NSUN7: variants seen among roughly 807,000 people sequenced by gnomAD.
The protein encoded by NSUN7 is NOP2/Sun RNA methyltransferase family member 7.
A neutral mutation model predicts 58.5 loss-of-function variants in NSUN7; 39 were observed. The observed-to-expected ratio is 0.67, with a 90% CI of 0.52 to 0.87. The LOEUF is 0.87. Among genes scored for constraint, NSUN7 ranks in the 40% least tolerant of loss-of-function variants. NSUN7 has a pLI of 0.00. For missense variants in NSUN7, 765 were observed against 844.1 expected (o/e 0.91, Z 1.16); for synonymous variants, 278 against 303.7 (o/e 0.92, Z 0.88).
In NSUN7 at chr4:40,775,514, T is replaced by C. The variant is rs1742222555; in HGVS notation, c.826-535T>C. On this transcript the variant is annotated intron_variant, in intron 6 of 11. Coordinates refer to ENST00000381782, the MANE Select transcript of NSUN7 (RefSeq NM_024677.6). This position sits in a 1 kb window ranked among gnomAD's most constrained non-coding sequence, Gnocchi z 4.3. ...TAGATTCCAATTATTGCCTCAGATA[T>C]ACCTTGATCTTCTAAGGTTTATCCC... 1 of 152,756 alleles carries C rather than the reference T, an allele frequency of 6.5e-6. No homozygotes were observed. Among genetic ancestry groups the C allele is most frequent in the Non-Finnish European group, 1.5e-5 (1 of 68,432 alleles). 9.5% of individuals were successfully genotyped at this position (152,756 alleles called of 1,614,324 possible).
chr4:40,753,284 T>C (rs558156025), intron 2 of NSUN7, among the ~76,000 whole-genome samples: 2 of 151,550 alleles, frequency 1.3e-5, no homozygotes, highest in African/African-American at 4.8e-5. Context: ...ATCTTTCTTT[T>C]TTTTTTTTTT....
rs61459974 is a variant in NSUN7 at position 40,750,105 on chromosome 4, C to T, written c.-287C>T. 0.017 allele frequency: 2,584 copies of T among 152,600 alleles called. 68 individuals carry two copies. Among genetic ancestry groups the T allele is most frequent in the African/African-American group, 0.059 (2,467 of 41,548 alleles). 9.5% of individuals were successfully genotyped at this position (152,600 alleles called of 1,614,324 possible). On this transcript the variant is annotated 5_prime_UTR_variant, in exon 1 of 12. Coordinates refer to ENST00000381782, the MANE Select transcript of NSUN7 (RefSeq NM_024677.6). ...CCCCGAGGCGCCCACCACTTCACGA[C>T]ACCGGAGCGAACCGGGCGCCAGAGG...
At chr4:40,785,201 A>ATTTT (rs34585824) in intron 7 of NSUN7, among the ~76,000 whole-genome samples, 1 of 138,668 alleles carries the variant, frequency 7.2e-6, no homozygotes, top group African/African-American at 2.6e-5. Flanking sequence ...ACTCTCAGCT[A>ATTTT]TTTTTTTTTT....
chr4:40,794,354 G>A, intron 8 of NSUN7, 21 bp from the exon 9 acceptor site: 6 of 1,418,400 alleles, frequency 4.2e-6, no homozygotes, highest in Non-Finnish European at 5.9e-6. Context: ...ATATTTAAAA[G>A]CATTTCTTTT....
chr4:40,796,950 T>G (rs1318907113), intron 9 of NSUN7, among the ~76,000 whole-genome samples: 1 of 152,222 alleles, frequency 6.6e-6, no homozygotes, highest in Non-Finnish European at 1.5e-5. Context: ...TTTTGAGCTA[T>G]TGCCATCACA....
intron 2 of NSUN7, among the ~76,000 whole-genome samples, chr4:40,756,801 T>C (rs1394359070): frequency 6.6e-6 from 1 of 152,226 alleles, no homozygotes; most frequent in African/African-American, 2.4e-5. Context: ...CAGTCCCCAA[T>C]GTATGATGGG....
intron 1 of NSUN7, 138 bp from the exon 2 acceptor site, chr4:40,750,465 G>A: frequency 3.4e-6 from 1 of 290,766 alleles, no homozygotes; most frequent in Non-Finnish European, 6.3e-6. Context: ...TTTTTTGAGC[G>A]TCCCAGGCTC....
chr4:40,771,712 AAT>A (rs1444853421), intron 4 of NSUN7, among the ~76,000 whole-genome samples: 2 of 148,056 alleles, frequency 1.4e-5, no homozygotes, highest in Non-Finnish European at 3.0e-5. Flanking sequence ...AGCTTATATA[AAT>A]ATATATTTAT....
intron 2 of NSUN7, among the ~76,000 whole-genome samples, chr4:40,754,199 A>G (rs1215039659): frequency 1.3e-5 from 2 of 148,944 alleles, no homozygotes; most frequent in African/African-American, 5.0e-5. Flanking sequence ...GCTGGAGTGC[A>G]GTCAATCGCG....
rs564244536 is a variant in NSUN7 at position 40,781,009 on chromosome 4, G to A, written c.1036+4750G>A. ...TTTTTTGTATTTTTTTAGTAGAGAC[G>A]GGGTTTCACTGTGTTAGCCAGGATG... On this transcript the variant is annotated intron_variant, in intron 7 of 11. Coordinates refer to ENST00000381782, the MANE Select transcript of NSUN7 (RefSeq NM_024677.6). Among the ~76,000 whole-genome samples, 4 of 150,660 alleles carry A rather than the reference G, an allele frequency of 2.7e-5. 1 individual carries two copies. The highest frequency in any genetic ancestry group is 9.8e-5 in the African/African-American group (4 of 40,988).
At position 40,806,075 on chromosome 4, in the gene NSUN7, G is replaced by T. The variant is rs560305891; in HGVS notation, c.1401-986G>T. Reference sequence around the variant, plus strand: ...GCCGGAGTGCAATGGTGCAATCTTGGCTTGAACCTCTCAGGTTCAAGCAAT... The same window carrying T: ...GCCGGAGTGCAATGGTGCAATCTTGTCTTGAACCTCTCAGGTTCAAGCAAT... On this transcript the variant is annotated intron_variant, in intron 10 of 11. Coordinates refer to ENST00000381782, the MANE Select transcript of NSUN7 (RefSeq NM_024677.6). Among the ~76,000 whole-genome samples the T allele has an allele frequency of 2.6e-5, 4 of 152,122 alleles. No individual in the cohort carries two copies. The South Asian group carries it at 8.3e-4, about 32-fold the overall frequency.
In NSUN7 at chr4:40,807,197, A is replaced by T. The variant is rs1489843397; in HGVS notation, c.1524+13A>T. 13 of 1,544,672 alleles carry T rather than the reference A, an allele frequency of 8.4e-6. No homozygotes were observed. In the African/African-American group the frequency reaches 1.7e-4, roughly 20 times the overall value. On this transcript the variant is annotated intron_variant, in intron 11 of 11. Transcript: ENST00000381782. ...TTTAACAAGGGAGGTAAGGAAAAAA[A>T]ATCCTAATCCATGTCATACTTTGGA...
chr4:40,794,264 A>G (rs970699065), intron 8 of NSUN7, 111 bp from the exon 9 acceptor site: 1 of 503,654 alleles, frequency 2.0e-6, no homozygotes, highest in South Asian at 3.9e-5. Flanking sequence ...GATATTTTCC[A>G]TGAAACACTT....
At chr4:40,786,757 T>C (rs1742844227) in intron 7 of NSUN7, 1 of 1,500,910 alleles carries the variant, frequency 6.7e-7, no homozygotes, top group African/African-American at 1.4e-5. Context: ...TTTTCTCTGG[T>C]CTGATTTTGA....
At position 40,774,856 on chromosome 4, in the gene NSUN7, A is replaced by G; in HGVS notation, c.731A>G (p.Asp244Gly). The change falls in exon 6 of 12, where the codon GAT (aspartate) becomes GGT (glycine). Residue 244 changes from aspartate to glycine, a missense_variant. Transcript: ENST00000381782. ...LHIDDKVFAV[D>G]QHCYDVLIFP... ...ATTGATGATAAAGTCTTTGCTGTGG[A>G]TCAACATTGCTATGATGTCTTAATT... 1 of 1,485,294 alleles carries G rather than the reference A, an allele frequency of 6.7e-7. No individual in the cohort carries two copies. The highest frequency in any genetic ancestry group is 9.4e-7 in the Non-Finnish European group (1 of 1,063,736). The allele number at this position is 1,485,294 out of a possible 1,614,324, so 92.0% of individuals were successfully genotyped here.
At chr4:40,780,231 G>GA (rs1742462291) in intron 7 of NSUN7, among the ~76,000 whole-genome samples, 1 of 152,162 alleles carries the variant, frequency 6.6e-6, no homozygotes, top group African/African-American at 2.4e-5. Flanking sequence ...AGCGAGCTGA[G>GA]ATCGCGCCAC....
chr4:40,804,949 C>A (rs1324496351), intron 10 of NSUN7, among the ~76,000 whole-genome samples: 2 of 152,116 alleles, frequency 1.3e-5, no homozygotes, highest in Non-Finnish European at 2.9e-5. Flanking sequence ...CCCCTCTCAC[C>A]AGGCCATTCC....
Position 40,788,074 on chromosome 4 carries a change from C to T in NSUN7, c.1037-2528C>T, listed in dbSNP as rs559539782. The stretch of plus-strand genomic sequence containing the variant: ...GGTCTCAAACTCCCGACCTCGTGAT[C>T]CGCCCACCTCGGCCTCCCAAAGTGC... On this transcript the variant is annotated intron_variant, in intron 7 of 11. Coordinates refer to ENST00000381782, the MANE Select transcript of NSUN7 (RefSeq NM_024677.6). Among the ~76,000 whole-genome samples the T allele has an allele frequency of 2.0e-5, 3 of 152,328 alleles. No homozygotes were observed. The East Asian group carries it at 5.8e-4, about 29-fold the overall frequency.
At chr4:40,760,081 A>G (rs932090064) in intron 2 of NSUN7, among the ~76,000 whole-genome samples, 4 of 152,210 alleles carry the variant, frequency 2.6e-5, no homozygotes, top group African/African-American at 9.6e-5. Flanking sequence ...AAATCCAGCA[A>G]TACATAAAAA....
Sources: allele counts gnomAD v4.1 joint callset (sites outside exome capture counted in the v4.1 genomes callset), GRCh38; gene constraint gnomAD v4.1.1; non-coding constraint Gnocchi (gnomAD v3.1); transcripts MANE v1.5; gene names NCBI Gene and HGNC (gene_info 2026-07-23, HGNC 2026-07-21).